SIK3: variants seen among roughly 807,000 people sequenced by gnomAD.
SIK3 encodes the protein SIK family kinase 3, also known as serine/threonine-protein kinase SIK3.
In SIK3, 28 loss-of-function variants were observed where a neutral mutation model predicts 144.2. The ratio of observed to expected loss-of-function variants is 0.19; its 90% CI spans 0.14 to 0.27. The LOEUF (loss-of-function observed/expected upper bound fraction) is 0.27. Ranked by LOEUF, SIK3 falls within the 10% of genes least tolerant of loss-of-function variation. The probability of loss-of-function intolerance (pLI) is 1.00; values close to 1 mark genes in which losing one functional copy is unlikely to be tolerated. For synonymous variants in SIK3, 686 were observed against 676.3 expected (o/e 1.01, Z -0.22); for missense variants, 1,319 against 1,776.0 (o/e 0.74, Z 4.62).
intron 1 of SIK3, among the ~76,000 whole-genome samples, chr11:117,087,060 T>C (rs183890348): frequency 1.3e-3 from 196 of 152,192 alleles, no homozygotes; most frequent in African/African-American, 4.2e-3. Context: ...TAACCTTTCT[T>C]CTTCCCTTCA....
intron 1 of SIK3, among the ~76,000 whole-genome samples, chr11:116,978,156 T>C (rs1950016813): frequency 6.6e-6 from 1 of 151,972 alleles, no homozygotes; most frequent in East Asian, 1.9e-4. Flanking sequence ...AGGCGGAGGT[T>C]GTGGTGAGCC....
In SIK3 at chr11:117,031,821, C is replaced by T. The variant is rs543533469; in HGVS notation, c.273+66322G>A. On this transcript the variant is annotated intron_variant, in intron 1 of 24. Coordinates refer to ENST00000445177, the MANE Select transcript of SIK3 (RefSeq NM_001366686.3). Reference sequence around the variant, plus strand: ...CCTCCCAAAGTGCTGGGATTACAGGCGTGAGCCACCGCACCAGGCCAGCAT... The same window carrying T: ...CCTCCCAAAGTGCTGGGATTACAGGTGTGAGCCACCGCACCAGGCCAGCAT... Among the ~76,000 whole-genome samples the T allele has an allele frequency of 3.3e-5, 5 of 150,486 alleles. No individual in the cohort carries two copies. The East Asian group carries it at 7.8e-4, about 23-fold the overall frequency.
chr11:117,079,130 G>A lies in SIK3; in HGVS notation c.273+19013C>T, dbSNP rs77944481. On this transcript the variant is annotated intron_variant, in intron 1 of 24. Transcript: ENST00000445177. ...AGGTATAGCAAAAAGTTTAATAAAG[G>A]AGATTATAGAGCTTCCCAAACTGTG... 4.8e-4 allele frequency among the ~76,000 whole-genome samples: 73 copies of A among 152,218 alleles called. No homozygotes were observed. The East Asian group carries it at 0.012, about 26-fold the overall frequency.
intron 1 of SIK3, among the ~76,000 whole-genome samples, chr11:117,010,991 A>G (rs1001838765): frequency 1.3e-5 from 2 of 152,096 alleles, no homozygotes; most frequent in Admixed American, 1.3e-4. Context: ...GTGATGGCGC[A>G]TGCCTGTAGT....
intron 4 of SIK3, among the ~76,000 whole-genome samples, chr11:116,906,688 G>A (rs1018371933): frequency 3.3e-5 from 5 of 152,124 alleles, no homozygotes; most frequent in African/African-American, 1.2e-4. Context: ...TTTGATCTGA[G>A]GGAAAACAAA....
chr11:116,965,750 T>TCTAAC (rs1555113339), intron 1 of SIK3, among the ~76,000 whole-genome samples: 60 of 18,808 alleles, frequency 3.2e-3, no homozygotes, highest in African/African-American at 7.6e-3. Flanking sequence ...TATATATATA[T>TCTAAC]ATATATATAT....
chr11:117,029,177 G>T (rs1403034975), intron 1 of SIK3, among the ~76,000 whole-genome samples: 1 of 152,118 alleles, frequency 6.6e-6, no homozygotes, highest in East Asian at 1.9e-4. Context: ...CCAAAGTGCT[G>T]GGATTACAGG....
chr11:117,087,203 G>T (rs1364866089), intron 1 of SIK3, among the ~76,000 whole-genome samples: 2 of 152,002 alleles, frequency 1.3e-5, no homozygotes, highest in African/African-American at 4.8e-5. Context: ...ACTCTGAGAG[G>T]CTGGGGGCGG....
At chr11:116,869,815 C>T (rs1943869101) in intron 14 of SIK3, 4 of 286,234 alleles carry the variant, frequency 1.4e-5, no homozygotes, top group Admixed American at 4.8e-5. Context: ...GTCCCTGGCC[C>T]GAATCCCATA....
chr11:116,964,360 A>G (rs1374040155), intron 1 of SIK3, among the ~76,000 whole-genome samples: 2 of 152,106 alleles, frequency 1.3e-5, no homozygotes, highest in East Asian at 1.9e-4. Context: ...ATCAAGTACT[A>G]AGGGGCAAAA....
intron 4 of SIK3, among the ~76,000 whole-genome samples, chr11:116,906,098 G>A (rs984240688): frequency 3.9e-5 from 6 of 152,316 alleles, no homozygotes; most frequent in Non-Finnish European, 7.4e-5. Flanking sequence ...GGACTTCTGA[G>A]CAGGCAGGTG....
chr11:116,847,489 A>G lies in SIK3; in HGVS notation c.3939T>C (p.Asp1313=), dbSNP rs1250124230. 4 of 1,614,022 alleles carry G rather than the reference A, an allele frequency of 2.5e-6. No homozygotes were observed. The highest frequency in any genetic ancestry group is 3.4e-6 in the Non-Finnish European group (4 of 1,180,030). The change falls in exon 23 of 25, where the codon GAT becomes GAC. Residue 1313 remains aspartate (D), a synonymous_variant. Transcript: ENST00000445177. ...SSLMGSQQFQ[D]GENEECGASL... Reference sequence around the variant, plus strand: ...AAGGCTCCTCACCCTCATTTTCCCCATCCTGAAACTGCTGGCTGCCCATGA... The same window carrying G: ...AAGGCTCCTCACCCTCATTTTCCCCGTCCTGAAACTGCTGGCTGCCCATGA...
intron 1 of SIK3, among the ~76,000 whole-genome samples, chr11:117,057,267 G>A (rs1045204389): frequency 1.3e-5 from 2 of 152,178 alleles, no homozygotes; most frequent in Admixed American, 6.5e-5. Context: ...AATGGAAGAC[G>A]TATACCTTTA....
intron 1 of SIK3, among the ~76,000 whole-genome samples, chr11:117,068,175 C>T (rs1954099997): frequency 1.3e-5 from 2 of 152,104 alleles, no homozygotes; most frequent in Non-Finnish European, 2.9e-5. Context: ...TTAATAAATA[C>T]TTAGGTAGCT....
chr11:117,052,844 T>C (rs1044684433), intron 1 of SIK3, among the ~76,000 whole-genome samples: 3 of 152,200 alleles, frequency 2.0e-5, no homozygotes, highest in African/African-American at 7.2e-5. Context: ...TCTAATGCCG[T>C]AGTTTCAGAA....
intron 1 of SIK3, among the ~76,000 whole-genome samples, chr11:116,980,512 T>C (rs1424755680): frequency 5.3e-5 from 8 of 152,238 alleles, no homozygotes; most frequent in African/African-American, 1.2e-4. Context: ...TACTGAAGTA[T>C]AATTTCTACT....
chr11:116,859,286 G>C lies in SIK3; in HGVS notation c.2744C>G (p.Ala915Gly). The change falls in exon 20 of 25, where the codon GCT becomes GGT. Residue 915 changes from alanine to glycine, a missense_variant. Coordinates refer to ENST00000445177, the MANE Select transcript of SIK3 (RefSeq NM_001366686.3). Reference protein sequence around the residue: ...GHRPLSKQLSADSAEAHSLNV... With the variant: ...GHRPLSKQLSGDSAEAHSLNV... ...TTACCTGTGAGCCTCTGCACTGTCA[G>C]CACTCAGCTGCTTGGACAAGGGACG... 1.9e-6 allele frequency: 3 copies of C among 1,610,912 alleles called. No homozygotes were observed. Among genetic ancestry groups the C allele is most frequent in the Non-Finnish European group, 1.7e-6 (2 of 1,177,732 alleles).
intron 1 of SIK3, among the ~76,000 whole-genome samples, chr11:117,046,816 G>A (rs941657798): frequency 6.6e-6 from 1 of 152,132 alleles, no homozygotes; most frequent in African/African-American, 2.4e-5. Context: ...GGAGGCAGAG[G>A]CTGCAGTGAG....
At chr11:116,898,705 T>C (rs1373800535) in intron 4 of SIK3, among the ~76,000 whole-genome samples, 1 of 148,608 alleles carries the variant, frequency 6.7e-6, no homozygotes, top group Admixed American at 6.7e-5. Flanking sequence ...TGGTTTTGAT[T>C]TGCATTTCTC....
Sources: gnomAD v4.1 joint callset for allele counts (sites outside exome capture counted in the v4.1 genomes callset) on GRCh38, gnomAD v4.1.1 for gene constraint, MANE v1.5 for transcripts, NCBI Gene and HGNC (gene_info 2026-07-23, HGNC 2026-07-21) for gene names.